SLC35F3: variants seen among roughly 807,000 people sequenced by gnomAD.
The protein encoded by SLC35F3 is solute carrier family 35 member F3, also known as putative thiamine transporter SLC35F3.
Under a neutral mutation model 49.9 loss-of-function variants are expected in SLC35F3, and 25 were observed. That is an observed-to-expected ratio of 0.50 (90% CI 0.37 to 0.70). The LOEUF (loss-of-function observed/expected upper bound fraction) is 0.70, where lower values mean the gene tolerates loss of function less well. Ranked by LOEUF, SLC35F3 falls within the 30% of genes least tolerant of loss-of-function variation. SLC35F3 has a pLI of 0.00. For synonymous variants in SLC35F3, 275 were observed against 265.4 expected, an observed-to-expected ratio of 1.04 and a Z score of -0.35; for missense variants, 525 against 639.8, an observed-to-expected ratio of 0.82 and a Z score of 1.94.
chr1:234,212,149 A>G (rs558797597), intron 2 of SLC35F3, among the ~76,000 whole-genome samples: 3 of 152,332 alleles, frequency 2.0e-5, no homozygotes, highest in East Asian at 1.9e-4. Context: ...ACGTGGAAAT[A>G]TAAGTCCATT....
intron 2 of SLC35F3, among the ~76,000 whole-genome samples, chr1:234,121,045 A>G (rs1342836505): frequency 6.6e-6 from 1 of 151,388 alleles, no homozygotes; most frequent in East Asian, 1.9e-4. Context: ...ATTGTTTGCA[A>G]CTCTTCAATA....
intron 3 of SLC35F3, among the ~76,000 whole-genome samples, chr1:234,278,982 T>G (rs1253587129): frequency 6.6e-6 from 1 of 151,046 alleles, no homozygotes; most frequent in Non-Finnish European, 1.5e-5. Flanking sequence ...TTTGCCAAAG[T>G]GAAGGATGTG....
At chr1:233,984,542 G>A (rs1052249381) in intron 2 of SLC35F3, among the ~76,000 whole-genome samples, 1 of 152,210 alleles carries the variant, frequency 6.6e-6, no homozygotes, top group South Asian at 2.1e-4. Context: ...CTGAAAGAGC[G>A]GAATGACTTG....
At chr1:234,140,008 T>TAAGATAAGATAAGATAAGATAAGATAA (rs1553308971) in intron 2 of SLC35F3, among the ~76,000 whole-genome samples, 1 of 39,684 alleles carries the variant, frequency 2.5e-5, no homozygotes. Flanking sequence ...ATAAAGTAAG[T>TAAGATAAGATAAGATAAGATAAGATAA]GACTTGAACA....
At chr1:233,978,733 T>A (rs1453503165) in intron 2 of SLC35F3, among the ~76,000 whole-genome samples, 1 of 152,034 alleles carries the variant, frequency 6.6e-6, no homozygotes, top group Non-Finnish European at 1.5e-5. Flanking sequence ...AAAATAGTTG[T>A]TAAGGATTAA....
intron 3 of SLC35F3, among the ~76,000 whole-genome samples, chr1:234,282,883 C>T (rs1668351878): frequency 6.6e-6 from 1 of 152,154 alleles, no homozygotes; most frequent in South Asian, 2.1e-4. Context: ...GACAATGATC[C>T]TTGGGGAATG....
chr1:234,224,456 C>T (rs948760675), intron 2 of SLC35F3, among the ~76,000 whole-genome samples: 1 of 152,240 alleles, frequency 6.6e-6, no homozygotes, highest in Non-Finnish European at 1.5e-5. Flanking sequence ...TTGGGAAGAA[C>T]ACAATCACTC....
At chr1:234,244,400 TG>T (rs1667599772) in intron 3 of SLC35F3, among the ~76,000 whole-genome samples, 1 of 152,024 alleles carries the variant, frequency 6.6e-6, no homozygotes, top group South Asian at 2.1e-4. Flanking sequence ...AAACTATCCA[TG>T]GGCAGTGGTG....
intron 3 of SLC35F3, among the ~76,000 whole-genome samples, chr1:234,273,822 A>G (rs76994607): frequency 0.06 from 9,135 of 152,226 alleles, 323 homozygotes; most frequent in African/African-American, 0.097. Context: ...CACAGTCTGG[A>G]AAGTCCCCCT....
intron 2 of SLC35F3, among the ~76,000 whole-genome samples, chr1:234,123,790 C>A (rs962974291): frequency 1.4e-4 from 21 of 152,120 alleles, no homozygotes; most frequent in Non-Finnish European, 5.9e-5. Flanking sequence ...TTTTAAAAAT[C>A]AAGCTGATGT....
chr1:233,991,575 A>T (rs1339535799), intron 2 of SLC35F3, among the ~76,000 whole-genome samples: 1 of 152,164 alleles, frequency 6.6e-6, no homozygotes, highest in East Asian at 1.9e-4. Flanking sequence ...TCCAAAAGCG[A>T]TGAACTTTGC....
chr1:234,108,602 G>GAT (rs1294944483), intron 2 of SLC35F3, among the ~76,000 whole-genome samples: 1 of 88,990 alleles, frequency 1.1e-5, no homozygotes, highest in African/African-American at 5.9e-5. Flanking sequence ...ACATATAAAA[G>GAT]ATATATATTT....
chr1:234,218,156 C>A (rs541115534), intron 2 of SLC35F3, among the ~76,000 whole-genome samples: 1 of 152,328 alleles, frequency 6.6e-6, no homozygotes, highest in South Asian at 2.1e-4. Context: ...CTTTCAGAAG[C>A]AGAGCATTGG....
intron 2 of SLC35F3, among the ~76,000 whole-genome samples, chr1:234,158,455 A>G (rs1022585851): frequency 6.6e-6 from 1 of 152,154 alleles, no homozygotes; most frequent in African/African-American, 2.4e-5. Flanking sequence ...TTATTTCTTC[A>G]CTGAAAAATA....
At chr1:234,202,413 A>G (rs970823093) in intron 2 of SLC35F3, among the ~76,000 whole-genome samples, 1 of 152,272 alleles carries the variant, frequency 6.6e-6, no homozygotes, top group African/African-American at 2.4e-5. Flanking sequence ...GAGCTTTAAC[A>G]TATCAAAGCC....
rs1667087861 is a variant in SLC35F3 at position 234,214,332 on chromosome 1, C to A, written c.284-17085C>A. On this transcript the variant is annotated intron_variant, in intron 2 of 7. Transcript: ENST00000366618. The surrounding 1 kb of genome is among the most constrained non-coding windows in gnomAD (Gnocchi z 8.0). ...GCCGCCGCAGTGAGCAACGCGGCAA[C>A]CGGAGCCCGGCGGGCAGCCGGGGAG... is the stretch of plus-strand genomic sequence containing the variant. 7.6e-7 allele frequency: 1 copy of A among 1,310,626 alleles called. No homozygotes were observed. The highest frequency in any genetic ancestry group is 9.7e-7 in the Non-Finnish European group (1 of 1,032,628). The allele number at this position is 1,310,626 out of a possible 1,614,324, so 81.2% of individuals were successfully genotyped here. A position where few individuals can be genotyped will look rare whatever the true frequency, so the allele number is the denominator to read the frequency against.
At chr1:234,079,739 C>T (rs181547425) in intron 2 of SLC35F3, among the ~76,000 whole-genome samples, 50 of 152,218 alleles carry the variant, frequency 3.3e-4, no homozygotes, top group Non-Finnish European at 6.6e-4. Context: ...TAGAATAAAA[C>T]TTTCTTTAAA....
chr1:234,036,002 A>T (rs1317731611), intron 2 of SLC35F3, among the ~76,000 whole-genome samples: 1 of 152,176 alleles, frequency 6.6e-6, no homozygotes, highest in East Asian at 1.9e-4. Flanking sequence ...TATAAAGTTG[A>T]TGGGAAGCTC....
At chr1:234,014,178 T>C (rs753602651) in intron 2 of SLC35F3, among the ~76,000 whole-genome samples, 8 of 152,204 alleles carry the variant, frequency 5.3e-5, no homozygotes, top group Non-Finnish European at 8.8e-5. Flanking sequence ...GCAAGGATGG[T>C]TCCACATACA....
Sources: gnomAD v4.1 joint callset for allele counts (sites outside exome capture counted in the v4.1 genomes callset) on GRCh38, gnomAD v4.1.1 for gene constraint, Gnocchi (gnomAD v3.1) non-coding constraint, MANE v1.5 for transcripts, NCBI Gene and HGNC (gene_info 2026-07-23, HGNC 2026-07-21) for gene names.